The following CLCN6 variants were observed in gnomAD, a reference collection of about 807,000 sequenced individuals.
The protein encoded by CLCN6 is Cl-/H+ antiporter 6.
In CLCN6, 70 loss-of-function variants were observed where a neutral mutation model predicts 109.8. The ratio of observed to expected loss-of-function variants is 0.64; its 90% CI spans 0.53 to 0.78. The LOEUF is 0.78. Among genes scored for constraint, CLCN6 ranks in the 30% least tolerant of loss-of-function variants. The probability of loss-of-function intolerance (pLI) is 0.00; values close to 1 mark genes in which losing one functional copy is unlikely to be tolerated. For missense variants in CLCN6, 984 were observed against 1,142.3 expected (o/e 0.86, Z 2.00); for synonymous variants, 444 against 447.8 (o/e 0.99, Z 0.11).
rs149384731 is a variant in CLCN6 at position 11,838,077 on chromosome 1, A to G, written c.2296-258A>G. Among the ~76,000 whole-genome samples the G allele has an allele frequency of 9.1e-4, 138 of 152,248 alleles. 2 individuals carry two copies. The highest frequency in any genetic ancestry group is 3.3e-3 in the African/African-American group (137 of 41,546). The stretch of plus-strand genomic sequence containing the variant: ...TGCTTTCTCACTTAAACTTCCTAAT[A>G]AGCCATTTGCATCTCATGAATCAGG... On this transcript the variant is annotated intron_variant, in intron 20 of 22. Transcript: ENST00000346436.
rs1644600026 is a variant in CLCN6 at position 11,811,583 on chromosome 1, T to C, written c.148-4263T>C. 2.0e-5 allele frequency among the ~76,000 whole-genome samples: 3 copies of C among 152,184 alleles called. No individual in the cohort carries two copies. The South Asian group carries it at 6.2e-4, about 32-fold the overall frequency. On this transcript the variant is annotated intron_variant, in intron 2 of 22. Coordinates refer to ENST00000346436, the MANE Select transcript of CLCN6 (RefSeq NM_001286.5). ...TTTTAGTAGAGACGAGGCTTCTCCA[T>C]GTTGGTCAGGCTGGTCTTGAACTCC... is the stretch of plus-strand genomic sequence containing the variant.
At chr1:11,810,123 A>G (rs564308517) in intron 2 of CLCN6, among the ~76,000 whole-genome samples, 30 of 152,310 alleles carry the variant, frequency 2.0e-4, no homozygotes, top group Admixed American at 1.8e-3. Context: ...CTCTACCTTG[A>G]TAGTCAGTCA....
In CLCN6 at chr1:11,835,980, G is replaced by A. The variant is rs775493905; in HGVS notation, c.1807G>A (p.Asp603Asn). 17 of 1,613,170 alleles carry A rather than the reference G, an allele frequency of 1.1e-5. No homozygotes were observed. The East Asian group carries it at 1.1e-4, about 11-fold the overall frequency. Reference sequence around the variant, plus strand: ...CTCCTCCCCCAGGCTGAGAGCCAGCGACATCATGGAGCCCAACCTGACCTA... The same window carrying A: ...CTCCTCCCCCAGGCTGAGAGCCAGCAACATCATGGAGCCCAACCTGACCTA... ...EVEMDKLRAS[D>N]IMEPNLTYVY... The change falls in exon 18 of 23, where the codon GAC becomes AAC. Residue 603 changes from aspartate (D) to asparagine (N), a missense_variant. By Grantham distance (23) the Asp-to-Asn change is conservative. Transcript: ENST00000346436.
At position 11,841,425 on chromosome 1, in the gene CLCN6, A is replaced by G. The variant is rs1445001576; in HGVS notation, c.*1202A>G. 10 of 152,438 alleles carry G rather than the reference A, an allele frequency of 6.6e-5. No individual in the cohort carries two copies. In the East Asian group the frequency reaches 1.5e-3, roughly 24 times the overall value. The allele number at this position is 152,438 out of a possible 1,614,324, so 9.4% of individuals were successfully genotyped here. On this transcript the variant is annotated 3_prime_UTR_variant, in exon 23 of 23. Coordinates refer to ENST00000346436, the MANE Select transcript of CLCN6 (RefSeq NM_001286.5). ...GCATGGGAAGCGCACCCTGTCGTTCAGTGACGTCATTCTTCTCCAGGCTGG... is the reference window on the plus strand; with the variant it reads ...GCATGGGAAGCGCACCCTGTCGTTCGGTGACGTCATTCTTCTCCAGGCTGG...
In CLCN6 at chr1:11,840,643, G is replaced by A. The variant is rs1195868871; in HGVS notation, c.*420G>A. The A allele has an allele frequency of 7.5e-5, 20 of 265,996 alleles. No homozygotes were observed. Among genetic ancestry groups the A allele is most frequent in the Non-Finnish European group, 1.1e-4 (15 of 132,632 alleles). The allele number at this position is 265,996 out of a possible 1,614,324, so 16.5% of individuals were successfully genotyped here. ...GAGGGACTTGGCCAAGGCAAAAGCT[G>A]GGGAGATGCCAGTGACAACATACAG... On this transcript the variant is annotated 3_prime_UTR_variant, in exon 23 of 23. Coordinates refer to ENST00000346436, the MANE Select transcript of CLCN6 (RefSeq NM_001286.5).
intron 4 of CLCN6, among the ~76,000 whole-genome samples, chr1:11,817,943 G>A (rs900246078): frequency 1.3e-5 from 2 of 151,998 alleles, no homozygotes; most frequent in African/African-American, 4.8e-5. Context: ...GGGAAACTTG[G>A]GTTGATTTAT....
At chr1:11,838,996 G>A (rs1195747340) in intron 22 of CLCN6, 4 of 671,224 alleles carry the variant, frequency 6.0e-6, no homozygotes, top group Admixed American at 2.3e-5. Context: ...TTAGATGAGA[G>A]AATTTCAAGC....
At chr1:11,824,350 A>G (rs1644784470) in intron 7 of CLCN6, 136 bp from the exon 8 acceptor site, 1 of 565,648 alleles carries the variant, frequency 1.8e-6, no homozygotes, top group African/African-American at 1.9e-5. Context: ...TTTGGTGGGA[A>G]TTTGGCTCTT....
intron 17 of CLCN6, among the ~76,000 whole-genome samples, chr1:11,835,418 C>T (rs143800963): frequency 2.6e-5 from 4 of 152,082 alleles, no homozygotes; most frequent in East Asian, 1.9e-4. Flanking sequence ...ATCACAGGCG[C>T]GTGCCACCAC....
chr1:11,824,531 T>A lies in CLCN6; in HGVS notation c.626T>A (p.Val209Glu), dbSNP rs1398963887. The change falls in exon 8 of 23, where the codon GTG becomes GAG. Residue 209 changes from valine (V) to glutamate (E), a missense_variant. By Grantham distance (121) the Val-to-Glu change is moderately radical. Transcript: ENST00000346436. ...GGCCCCATGATCCACAGTGGTTCGGTGGTGGGAGCTGGCCTCCCTCAGGTA... is the reference window on the plus strand; with the variant it reads ...GGCCCCATGATCCACAGTGGTTCGGAGGTGGGAGCTGGCCTCCCTCAGGTA... ...KEGPMIHSGS[V>E]VGAGLPQFQS... 1.9e-6 allele frequency: 3 copies of A among 1,613,386 alleles called. No homozygotes were observed.
chr1:11,818,865 G>A (rs1644707045), intron 4 of CLCN6, among the ~76,000 whole-genome samples: 1 of 152,108 alleles, frequency 6.6e-6, no homozygotes, highest in African/African-American at 2.4e-5. Context: ...AAACCCTGGA[G>A]TTCAAGGCCA....
chr1:11,837,488 G>A lies in CLCN6; in HGVS notation c.2284G>A (p.Glu762Lys). 1.2e-6 allele frequency: 2 copies of A among 1,613,650 alleles called. No individual in the cohort carries two copies. Among genetic ancestry groups the A allele is most frequent in the Admixed American group, 3.3e-5 (2 of 60,008 alleles). ...GCTTGTCCGAGGAGTTTGTTACTCTGAAAGCCAGTCGGTAAGTCTCTCCGA... is the reference window on the plus strand; with the variant it reads ...GCTTGTCCGAGGAGTTTGTTACTCTAAAAGCCAGTCGGTAAGTCTCTCCGA... ...TLLVRGVCYS[E>K]SQSSASQPRL... is the part of the protein sequence containing the mutation. Residue 762 changes from glutamate (E) to lysine (K), a missense_variant, in exon 20 of 23, where the codon GAA becomes AAA. Glu to Lys is a moderately conservative substitution (Grantham distance 56). Transcript: ENST00000346436.
rs12038287 is a variant in CLCN6 at position 11,835,339 on chromosome 1, T to C, written c.1794-628T>C. Among the ~76,000 whole-genome samples, 1,561 of 152,298 alleles carry C rather than the reference T, an allele frequency of 0.01. 165 individuals carry two copies. The East Asian group carries it at 0.23, about 22-fold the overall frequency. ...CTAGGCTGGAGTAGGGTGGCATGAT[T>C]ATAGCTCACTGCAACCTATGCCTCC... On this transcript the variant is annotated intron_variant, in intron 17 of 22. Coordinates refer to ENST00000346436, the MANE Select transcript of CLCN6 (RefSeq NM_001286.5).
At chr1:11,825,103 C>T (rs374521717) in intron 8 of CLCN6, among the ~76,000 whole-genome samples, 5 of 152,110 alleles carry the variant, frequency 3.3e-5, no homozygotes, top group Non-Finnish European at 4.4e-5. Flanking sequence ...GGTACTAGCT[C>T]GAGACCTCAA....
chr1:11,806,239 C>A lies in CLCN6; in HGVS notation c.-24C>A, dbSNP rs767856435. 5 of 1,441,370 alleles carry A rather than the reference C, an allele frequency of 3.5e-6. No individual in the cohort carries two copies. The Admixed American group carries it at 9.0e-5, about 26-fold the overall frequency. The allele number at this position is 1,441,370 out of a possible 1,614,324, so 89.3% of individuals were successfully genotyped here. On this transcript the variant is annotated 5_prime_UTR_variant, in exon 1 of 23. Transcript: ENST00000346436. Reference sequence around the variant, plus strand: ...GCTGGGAGGGGGTTGGTAGAGGGGTCCAGAGTGGCAGTAAAGGAGGAAGAT... The same window carrying A: ...GCTGGGAGGGGGTTGGTAGAGGGGTACAGAGTGGCAGTAAAGGAGGAAGAT...
chr1:11,818,117 A>T (rs1349845147), intron 4 of CLCN6, among the ~76,000 whole-genome samples: 2 of 151,886 alleles, frequency 1.3e-5, no homozygotes, highest in Non-Finnish European at 1.5e-5. Flanking sequence ...AAAAAAAATT[A>T]AAAAAAAGAA....
chr1:11,827,988 AC>A, intron 10 of CLCN6, 117 bp from the exon 11 acceptor site: 1 of 750,130 alleles, frequency 1.3e-6, no homozygotes, highest in Non-Finnish European at 2.4e-6. Flanking sequence ...AGATCTCTGT[AC>A]CCGGATGTAG....
chr1:11,834,313 G>A lies in CLCN6; in HGVS notation c.1604G>A (p.Arg535His), dbSNP rs556741884. 11 of 1,614,040 alleles carry A rather than the reference G, an allele frequency of 6.8e-6. No homozygotes were observed. Among genetic ancestry groups the A allele is most frequent in the East Asian group, 4.5e-5 (2 of 44,868 alleles). Residue 535 changes from arginine to histidine, a missense_variant, in exon 16 of 23, where the codon CGC becomes CAC. Physicochemically the swap from Arg to His is conservative, Grantham distance 29 (BLOSUM62 0). Transcript: ENST00000346436. This position sits in a 1 kb window ranked among gnomAD's most constrained non-coding sequence, Gnocchi z 4.5. ...GCGGCTTTCTTGGGCGGGGTGGTCC[G>A]CATGACCATCAGCCTCACGGTCATC... is the stretch of plus-strand genomic sequence containing the variant. ...GAAAFLGGVV[R>H]MTISLTVILI...
intron 13 of CLCN6, 80 bp from the exon 14 acceptor site, chr1:11,833,435 T>C (rs1644904109): frequency 6.8e-7 from 1 of 1,466,890 alleles, no homozygotes; most frequent in South Asian, 1.2e-5. Context: ...GCCACCTGTT[T>C]TGGACCCGGC....
Sources: gnomAD v4.1 joint callset for allele counts (sites outside exome capture counted in the v4.1 genomes callset) on GRCh38, gnomAD v4.1.1 for gene constraint, Gnocchi (gnomAD v3.1) non-coding constraint, MANE v1.5 for transcripts, NCBI Gene and HGNC (gene_info 2026-07-23, HGNC 2026-07-21) for gene names.